The following WDR7 variants were observed in gnomAD, a reference collection of about 807,000 sequenced individuals.
WDR7 encodes WD repeat-containing protein 7.
In WDR7, 46 loss-of-function variants were observed where a neutral mutation model predicts 169.4. The observed-to-expected ratio is 0.27, with a 90% confidence interval of 0.21 to 0.35. The LOEUF is 0.35. Among genes scored for constraint, WDR7 ranks in the 10% least tolerant of loss-of-function variants. The probability of loss-of-function intolerance (pLI) is 1.00; values close to 1 mark genes in which losing one functional copy is unlikely to be tolerated. For missense variants in WDR7, 1,534 were observed against 1,859.3 expected (o/e 0.83, Z 3.22); for synonymous variants, 612 against 666.8 (o/e 0.92, Z 1.27).
At chr18:56,758,649 CAT>C (rs1216603497) in intron 15 of WDR7, among the ~76,000 whole-genome samples, 5 of 152,096 alleles carry the variant, frequency 3.3e-5, no homozygotes, top group African/African-American at 1.2e-4. Context: ...ACAAATTGCA[CAT>C]GTCAGATTTT....
intron 19 of WDR7, among the ~76,000 whole-genome samples, chr18:56,807,327 T>C (rs1342927627): frequency 6.6e-6 from 1 of 152,192 alleles, no homozygotes; most frequent in Non-Finnish European, 1.5e-5. Flanking sequence ...AACGGTTTTT[T>C]CTTTGTTTCA....
intron 20 of WDR7, among the ~76,000 whole-genome samples, chr18:56,827,862 A>C (rs965822568): frequency 6.6e-6 from 1 of 152,046 alleles, no homozygotes; most frequent in Non-Finnish European, 1.5e-5. Context: ...TGAAAAATTT[A>C]AAAAAAACAG....
intron 7 of WDR7, 130 bp from the exon 8 acceptor site, chr18:56,691,082 ACTTT>A (rs1216661170): frequency 6.2e-6 from 8 of 1,291,186 alleles, no homozygotes; most frequent in African/African-American, 1.5e-5. Context: ...TTATTGACAA[ACTTT>A]CTTTATCTGA....
chr18:57,010,554 TTGG>T (rs1400155181), intron 26 of WDR7, among the ~76,000 whole-genome samples: 5 of 152,162 alleles, frequency 3.3e-5, no homozygotes, highest in Admixed American at 3.3e-4. Context: ...TAGCCAAAAA[TTGG>T]TGGTGATCAT....
At chr18:56,974,078 T>C (rs1366356559) in intron 26 of WDR7, among the ~76,000 whole-genome samples, 1 of 152,242 alleles carries the variant, frequency 6.6e-6, no homozygotes, top group Admixed American at 6.5e-5. Context: ...TACCATTTTC[T>C]GTTTAAGTGC....
chr18:56,988,552 AG>A (rs2047759167), intron 26 of WDR7, among the ~76,000 whole-genome samples: 1 of 151,210 alleles, frequency 6.6e-6, no homozygotes, highest in South Asian at 2.1e-4. Flanking sequence ...TATTTTTTAA[AG>A]GTAAGTTTCC....
At chr18:57,031,518 C>A (rs1428349735), downstream of WDR7, 2 of 152,154 alleles carry the variant, frequency 1.3e-5, no homozygotes, top group Non-Finnish European at 1.5e-5. Flanking sequence ...ACAAAGGAGT[C>A]TTAAGTATCT....
intron 11 of WDR7, 118 bp downstream of exon 11, chr18:56,695,316 G>A (rs2025674913): frequency 4.5e-6 from 6 of 1,326,276 alleles, no homozygotes; most frequent in Admixed American, 2.5e-5. Flanking sequence ...TAGTTGTTGG[G>A]GTGCTATGTA....
At chr18:56,808,760 A>G (rs752716815) in intron 19 of WDR7, among the ~76,000 whole-genome samples, 4 of 152,136 alleles carry the variant, frequency 2.6e-5, no homozygotes, top group Non-Finnish European at 5.9e-5. Flanking sequence ...AATTTTTAGA[A>G]TACTATACCC....
intron 19 of WDR7, among the ~76,000 whole-genome samples, chr18:56,804,915 C>A (rs2044743973): frequency 6.6e-6 from 1 of 152,176 alleles, no homozygotes; most frequent in Non-Finnish European, 1.5e-5. Flanking sequence ...TTCGTAGCGT[C>A]AAATTTCTGA....
intron 26 of WDR7, among the ~76,000 whole-genome samples, chr18:57,015,095 A>C (rs1022573689): frequency 2.0e-5 from 3 of 152,206 alleles, no homozygotes; most frequent in African/African-American, 7.2e-5. Context: ...AGATGTGGGA[A>C]TCTTTCTCTG....
intron 21 of WDR7, among the ~76,000 whole-genome samples, chr18:56,919,130 T>C (rs1027878748): frequency 2.0e-5 from 3 of 152,152 alleles, no homozygotes; most frequent in Non-Finnish European, 4.4e-5. Context: ...CATTCAATTC[T>C]CCCCTTCCAG....
intron 20 of WDR7, among the ~76,000 whole-genome samples, chr18:56,865,815 TC>T (rs2045875737): frequency 6.6e-6 from 1 of 152,204 alleles, no homozygotes; most frequent in Non-Finnish European, 1.5e-5. Flanking sequence ...TTAATGTAGT[TC>T]ATATGCTTGA....
Position 56,758,614 on chromosome 18 carries a change from A to G in WDR7, c.2760-251A>G, listed in dbSNP as rs77567237. ...CAAAGGGTTAAGTATGATGTTAGAA[A>G]ATATTTCTTAAACTAATATGAAGCA... is the stretch of plus-strand genomic sequence containing the variant. On this transcript the variant is annotated intron_variant, in intron 15 of 27. Coordinates refer to ENST00000254442, the MANE Select transcript of WDR7 (RefSeq NM_015285.3). 2.0e-5 allele frequency among the ~76,000 whole-genome samples: 3 copies of G among 152,044 alleles called. No homozygotes were observed. The East Asian group carries it at 5.8e-4, about 29-fold the overall frequency.
In WDR7 at chr18:56,809,013, C is replaced by G. The variant is rs114790774; in HGVS notation, c.3191-7018C>G. ...TCTCACTTCTACTAGCTACAACCCT[C>G]CCACTTCCCTTTTACTGTTGTGTCC... On this transcript the variant is annotated intron_variant, in intron 19 of 27. Transcript: ENST00000254442. Among the ~76,000 whole-genome samples the G allele has an allele frequency of 4.5e-3, 690 of 152,156 alleles. 12 individuals carry two copies. Among genetic ancestry groups the G allele is most frequent in the African/African-American group, 0.016 (659 of 41,538 alleles).
chr18:56,659,650 A>G (rs1319933930), intron 1 of WDR7, among the ~76,000 whole-genome samples: 1 of 151,964 alleles, frequency 6.6e-6, no homozygotes, highest in African/African-American at 2.4e-5. Context: ...GCCAGAAGGA[A>G]TCTGGGGTGG....
intron 20 of WDR7, among the ~76,000 whole-genome samples, chr18:56,868,883 A>T (rs1476032975): frequency 6.6e-6 from 1 of 152,160 alleles, no homozygotes; most frequent in Non-Finnish European, 1.5e-5. Flanking sequence ...ACTTCTGATT[A>T]CTTAGCTGCC....
chr18:56,792,810 A>C (rs2044515109), intron 19 of WDR7, among the ~76,000 whole-genome samples: 2 of 151,832 alleles, frequency 1.3e-5, no homozygotes, highest in African/African-American at 4.8e-5. Flanking sequence ...ATGCACACAT[A>C]CCTACACTAT....
At chr18:56,924,889 C>G (rs183027230) in intron 22 of WDR7, among the ~76,000 whole-genome samples, 3 of 152,326 alleles carry the variant, frequency 2.0e-5, no homozygotes, top group African/African-American at 7.2e-5. Context: ...TTAGTCCCCA[C>G]AGAAGTCACC....
Sources: gnomAD v4.1 joint callset for allele counts (sites outside exome capture counted in the v4.1 genomes callset) on GRCh38, gnomAD v4.1.1 for gene constraint, MANE v1.5 for transcripts, NCBI Gene and HGNC (gene_info 2026-07-23, HGNC 2026-07-21) for gene names.